POLR3G: variants seen among roughly 807,000 people sequenced by gnomAD.
POLR3G encodes DNA-directed RNA polymerase III subunit RPC7.
In POLR3G, 28 loss-of-function variants were observed where a neutral mutation model predicts 30.1. That is an observed-to-expected ratio of 0.93 (90% CI 0.69 to 1.27). The LOEUF (loss-of-function observed/expected upper bound fraction) is 1.27, where lower values mean the gene tolerates loss of function less well. Ranked by LOEUF, POLR3G falls within the 50% of genes most tolerant of loss-of-function variation. The pLI, the probability that POLR3G is intolerant of heterozygous loss-of-function variation, is 0.00. For missense variants in POLR3G, 254 were observed against 264.6 expected, an observed-to-expected ratio of 0.96 and a Z score of 0.28; for synonymous variants, 79 against 82.5, an observed-to-expected ratio of 0.96 and a Z score of 0.23.
chr5:90,506,747 A>G, intron 7 of POLR3G, 73 bp downstream of exon 7: 3 of 1,426,986 alleles, frequency 2.1e-6, no homozygotes, highest in Non-Finnish European at 2.8e-6. Context: ...TAGAGTATGT[A>G]TTGAAATCAA....
At chr5:90,500,669 CAT>C (rs1752204463) in intron 5 of POLR3G, among the ~76,000 whole-genome samples, 1 of 152,080 alleles carries the variant, frequency 6.6e-6, no homozygotes, top group East Asian at 1.9e-4. Flanking sequence ...CTCACTAATA[CAT>C]ATGTTTGGGA....
intron 2 of POLR3G, among the ~76,000 whole-genome samples, chr5:90,487,065 T>C (rs1751474165): frequency 6.6e-6 from 1 of 152,124 alleles, no homozygotes; most frequent in Non-Finnish European, 1.5e-5. Flanking sequence ...TACAAACGCG[T>C]ATTTGTGTAT....
At chr5:90,487,676 C>T (rs1311328991) in intron 2 of POLR3G, among the ~76,000 whole-genome samples, 1 of 152,098 alleles carries the variant, frequency 6.6e-6, no homozygotes, top group Non-Finnish European at 1.5e-5. Flanking sequence ...CAGGCGTGAG[C>T]CACCATGCAC....
intron 4 of POLR3G, among the ~76,000 whole-genome samples, chr5:90,496,220 A>C (rs564982393): frequency 6.6e-6 from 1 of 152,092 alleles, no homozygotes; most frequent in Non-Finnish European, 1.5e-5. Flanking sequence ...CGCCCGCCTC[A>C]GCCTCCCAAA....
chr5:90,489,635 CTT>C (rs1222212588), intron 3 of POLR3G, among the ~76,000 whole-genome samples: 1 of 151,996 alleles, frequency 6.6e-6, no homozygotes, highest in Admixed American at 6.6e-5. Context: ...TAAAATAAAA[CTT>C]TTCATTTTAA....
At chr5:90,488,167 A>T in intron 3 of POLR3G, 38 bp downstream of exon 3, 2 of 1,493,038 alleles carry the variant, frequency 1.3e-6, no homozygotes, top group Non-Finnish European at 1.8e-6. Flanking sequence ...GGCTTAATGT[A>T]TACAGATGAA....
chr5:90,487,671 G>A (rs1010990747), intron 2 of POLR3G, among the ~76,000 whole-genome samples: 5 of 152,050 alleles, frequency 3.3e-5, no homozygotes, highest in African/African-American at 4.8e-5. Flanking sequence ...GATTACAGGC[G>A]TGAGCCACCA....
In POLR3G at chr5:90,485,510, C is replaced by A. The variant is rs912497455; in HGVS notation, c.-43-15C>A. 1 of 1,176,808 alleles carries A rather than the reference C, an allele frequency of 8.5e-7. No homozygotes were observed. Among genetic ancestry groups the A allele is most frequent in the Admixed American group, 2.1e-5 (1 of 48,534 alleles). The allele number at this position is 1,176,808 out of a possible 1,614,324, so 72.9% of individuals were successfully genotyped here. A position where few individuals can be genotyped will look rare whatever the true frequency, so the allele number is the denominator to read the frequency against. ...CTTTTTTATATGTGATCCAGTAAATCGTAATCATTAATAGTGCCTTTCAGA... is the reference window on the plus strand; with the variant it reads ...CTTTTTTATATGTGATCCAGTAAATAGTAATCATTAATAGTGCCTTTCAGA... On this transcript the variant is annotated splice_polypyrimidine_tract_variant and intron_variant, in intron 1 of 7. Transcript: ENST00000651687.
At chr5:90,495,834 A>G (rs1751958415) in intron 4 of POLR3G, 101 bp downstream of exon 4, 4 of 1,396,832 alleles carry the variant, frequency 2.9e-6, no homozygotes, top group Non-Finnish European at 3.8e-6. Flanking sequence ...CCATAGGAAA[A>G]CTGAGTCTGG....
intron 1 of POLR3G, among the ~76,000 whole-genome samples, chr5:90,481,638 A>G (rs532532525): frequency 1.3e-5 from 2 of 152,290 alleles, no homozygotes; most frequent in Admixed American, 1.3e-4. Flanking sequence ...TGTATAGGGC[A>G]CTGACCTAGT....
Position 90,493,371 on chromosome 5 carries a change from C to A in POLR3G, c.248-2306C>A, listed in dbSNP as rs550655628. On this transcript the variant is annotated intron_variant, in intron 3 of 7. Coordinates refer to ENST00000651687, the MANE Select transcript of POLR3G (RefSeq NM_006467.3). ...AAGTGATCCTCCCACCGTAGCCTCCCAAGTAGCTGGAACCACTGGCATGAG... is the reference window on the plus strand; with the variant it reads ...AAGTGATCCTCCCACCGTAGCCTCCAAAGTAGCTGGAACCACTGGCATGAG... Among the ~76,000 whole-genome samples, 39 of 152,046 alleles carry A rather than the reference C, an allele frequency of 2.6e-4. 1 individual carries two copies. In the South Asian group the frequency reaches 7.9e-3, roughly 31 times the overall value.
In POLR3G at chr5:90,512,380, T is replaced by A. The variant is rs1188971142; in HGVS notation, c.*241T>A. Reference sequence around the variant, plus strand: ...CATCTCTCTTATGTACTCTCATGGGTTTTTTTGTATGATTTGAATATGAAT... The same window carrying A: ...CATCTCTCTTATGTACTCTCATGGGATTTTTTGTATGATTTGAATATGAAT... On this transcript the variant is annotated 3_prime_UTR_variant, in exon 8 of 8. Coordinates refer to ENST00000651687, the MANE Select transcript of POLR3G (RefSeq NM_006467.3). 1 of 368,762 alleles carries A rather than the reference T, an allele frequency of 2.7e-6. No homozygotes were observed. The highest frequency in any genetic ancestry group is 5.1e-6 in the Non-Finnish European group (1 of 197,548). 22.8% of individuals were successfully genotyped at this position (368,762 alleles called of 1,614,324 possible).
At chr5:90,497,733 C>T (rs895971557) in intron 5 of POLR3G, 27 bp downstream of exon 5, 1 of 1,580,156 alleles carries the variant, frequency 6.3e-7, no homozygotes, top group Non-Finnish European at 8.6e-7. Context: ...AATAGTAATT[C>T]AGGTAGGAAA....
chr5:90,485,739 T>G (rs1751407876), intron 2 of POLR3G, 55 bp downstream of exon 2: 2 of 1,304,960 alleles, frequency 1.5e-6, no homozygotes, highest in Non-Finnish European at 2.2e-6. Context: ...TTTCAGAGAA[T>G]ATTAAAATTC....
At chr5:90,475,991 G>A (rs559595051) in intron 1 of POLR3G, among the ~76,000 whole-genome samples, 1 of 152,148 alleles carries the variant, frequency 6.6e-6, no homozygotes, top group Non-Finnish European at 1.5e-5. Context: ...GATTACAGGC[G>A]TGAGCCACTA....
At chr5:90,497,758 A>T in intron 5 of POLR3G, 52 bp downstream of exon 5, 1 of 1,552,188 alleles carries the variant, frequency 6.4e-7, no homozygotes, top group East Asian at 2.4e-5. Context: ...TATTTCTTAC[A>T]TTCTGTTAAT....
chr5:90,484,671 G>A (rs1196917448), intron 1 of POLR3G, among the ~76,000 whole-genome samples: 2 of 152,128 alleles, frequency 1.3e-5, no homozygotes, highest in African/African-American at 2.4e-5. Flanking sequence ...AGCTGATGGG[G>A]CCAAAACCAA....
At chr5:90,484,925 T>C (rs114485433) in intron 1 of POLR3G, among the ~76,000 whole-genome samples, 1 of 152,178 alleles carries the variant, frequency 6.6e-6, no homozygotes. Context: ...CAATACAACT[T>C]GCATATGTGA....
intron 7 of POLR3G, among the ~76,000 whole-genome samples, chr5:90,511,616 CTTT>C (rs11331138): frequency 5.8e-5 from 8 of 138,982 alleles, no homozygotes; most frequent in Admixed American, 1.5e-4. Flanking sequence ...GGTATCATGC[CTTT>C]TTTTTTTTTT....
Sources: allele counts gnomAD v4.1 joint callset (sites outside exome capture counted in the v4.1 genomes callset), GRCh38; gene constraint gnomAD v4.1.1; transcripts MANE v1.5; gene names NCBI Gene and HGNC (gene_info 2026-07-23, HGNC 2026-07-21).